Variants in NHSL2 observed in about 807,000 individuals in gnomAD.
NHSL2 encodes the protein NHS-like protein 2.
In NHSL2, 27 loss-of-function variants were observed where a neutral mutation model predicts 53.4. The ratio of observed to expected loss-of-function variants is 0.51; its 90% CI spans 0.37 to 0.70. NHSL2 has a LOEUF of 0.70. Ranked by LOEUF, NHSL2 falls within the 30% of genes least tolerant of loss-of-function variation. NHSL2 has a pLI of 0.00. For missense variants in NHSL2, 892 were observed against 980.1 expected, an observed-to-expected ratio of 0.91 and a Z score of 1.20; for synonymous variants, 408 against 404.1, an observed-to-expected ratio of 1.01 and a Z score of -0.12.
chrX:71,921,676 T>C (rs751646045), intron 1 of NHSL2, among the ~76,000 whole-genome samples: 6 of 111,893 alleles, frequency 5.4e-5, no homozygotes, highest in East Asian at 5.6e-4. Context: ...CAATCTCAAC[T>C]TATTTTTCTT....
At chrX:71,973,853 G>A (rs2041936791) in intron 1 of NHSL2, among the ~76,000 whole-genome samples, 1 of 111,358 alleles carries the variant, frequency 9.0e-6, no homozygotes, top group Admixed American at 9.5e-5. Flanking sequence ...TGAGCTGGGA[G>A]AGATGAGACA....
chrX:72,038,749 G>A (rs1215028783), intron 1 of NHSL2, among the ~76,000 whole-genome samples: 1 of 112,257 alleles, frequency 8.9e-6, no homozygotes, highest in African/African-American at 3.2e-5. Context: ...TGATATTCAT[G>A]TAAAGGCATT....
At chrX:72,004,743 G>A (rs1212654854) in intron 1 of NHSL2, among the ~76,000 whole-genome samples, 2 of 107,788 alleles carry the variant, frequency 1.9e-5, no homozygotes, top group Admixed American at 9.8e-5. Context: ...AGGAGAGCTG[G>A]GCGAGAACCT....
chrX:71,921,288 C>T (rs1273204190), intron 1 of NHSL2, among the ~76,000 whole-genome samples: 2 of 107,158 alleles, frequency 1.9e-5, no homozygotes, highest in African/African-American at 3.4e-5. Context: ...GGTGTGGTTG[C>T]GCATGCCTGT....
chrX:72,037,540 G>A (rs751834058), intron 1 of NHSL2, among the ~76,000 whole-genome samples: 22 of 111,699 alleles, frequency 2.0e-4, no homozygotes, highest in African/African-American at 7.1e-4. Flanking sequence ...TGTACATCTG[G>A]TGCAGCTGCA....
intron 1 of NHSL2, among the ~76,000 whole-genome samples, chrX:72,087,314 A>G (rs1449476397): frequency 8.9e-6 from 1 of 112,567 alleles, no homozygotes; most frequent in African/African-American, 3.2e-5. Context: ...AGACCAATTC[A>G]GAGAGACAGA....
intron 1 of NHSL2, among the ~76,000 whole-genome samples, chrX:71,937,005 A>C (rs2041741973): frequency 8.9e-6 from 1 of 111,743 alleles, no homozygotes; most frequent in Admixed American, 9.5e-5. Flanking sequence ...AGAAATTCAG[A>C]CCCAGAGAGT....
intron 1 of NHSL2, among the ~76,000 whole-genome samples, chrX:72,099,437 C>T (rs184653724): frequency 8.9e-5 from 9 of 101,206 alleles, no homozygotes; most frequent in Admixed American, 3.3e-4. Flanking sequence ...GCATTCTCGG[C>T]TCACTGCAAC....
chrX:71,968,192 T>C (rs1358999392), intron 1 of NHSL2, among the ~76,000 whole-genome samples: 1 of 108,174 alleles, frequency 9.2e-6, no homozygotes, highest in Non-Finnish European at 1.9e-5. Flanking sequence ...GAGATGGGGG[T>C]CTTACTATGT....
intron 1 of NHSL2, among the ~76,000 whole-genome samples, chrX:72,100,990 A>G (rs1449985227): frequency 9.1e-6 from 1 of 109,545 alleles, no homozygotes. Context: ...TTTCAGAGGC[A>G]TCTCTGTTCA....
At chrX:72,054,545 T>G (rs2042357780) in intron 1 of NHSL2, among the ~76,000 whole-genome samples, 1 of 112,357 alleles carries the variant, frequency 8.9e-6, no homozygotes, top group African/African-American at 3.2e-5. Context: ...GTTTGTTACT[T>G]AAAGCTCTTT....
At chrX:71,934,152 C>T (rs1054868809) in intron 1 of NHSL2, among the ~76,000 whole-genome samples, 14 of 111,999 alleles carry the variant, frequency 1.3e-4, no homozygotes, top group Non-Finnish European at 2.3e-4. Flanking sequence ...CCTCTATCCT[C>T]GTTTTGGTAC....
intron 1 of NHSL2, among the ~76,000 whole-genome samples, chrX:72,104,139 G>T (rs184177442): frequency 1.8e-5 from 2 of 111,350 alleles, no homozygotes; most frequent in South Asian, 3.8e-4. Flanking sequence ...ACTTTGTCTC[G>T]AACAGGAGCC....
intron 1 of NHSL2, among the ~76,000 whole-genome samples, chrX:71,911,779 C>T (rs1455756248): frequency 8.8e-6 from 1 of 113,149 alleles, no homozygotes; most frequent in Non-Finnish European, 1.9e-5. Flanking sequence ...GGCTTCTTTG[C>T]TCCTGTCTAG....
At chrX:72,065,591 G>A (rs766018860) in intron 1 of NHSL2, among the ~76,000 whole-genome samples, 48 of 111,535 alleles carry the variant, frequency 4.3e-4, no homozygotes, top group African/African-American at 1.5e-3. Flanking sequence ...GAGGGGATGG[G>A]AAGCACTGTT....
chrX:72,136,501 C>T (rs1390659404), intron 4 of NHSL2, among the ~76,000 whole-genome samples: 1 of 111,993 alleles, frequency 8.9e-6, no homozygotes, highest in Non-Finnish European at 1.9e-5. Flanking sequence ...AGAAATAGAG[C>T]TCAATCACCA....
intron 1 of NHSL2, among the ~76,000 whole-genome samples, chrX:72,009,884 G>T (rs775605861): frequency 8.9e-6 from 1 of 112,037 alleles, no homozygotes; most frequent in African/African-American, 3.2e-5. Context: ...TACTCTCTGG[G>T]GCCACTCTAG....
At chrX:71,912,911 T>G (rs1174016281) in intron 1 of NHSL2, among the ~76,000 whole-genome samples, 5 of 111,870 alleles carry the variant, frequency 4.5e-5, no homozygotes, top group African/African-American at 1.3e-4. Flanking sequence ...GCAAGCCCTT[T>G]CTGTGGGAGG....
intron 1 of NHSL2, among the ~76,000 whole-genome samples, chrX:72,008,870 T>A (rs1232267651): frequency 8.9e-6 from 1 of 111,927 alleles, no homozygotes; most frequent in Non-Finnish European, 1.9e-5. Context: ...AGTATCCCTG[T>A]CACCAGTCTC....
Sources: allele counts gnomAD v4.1 joint callset (sites outside exome capture counted in the v4.1 genomes callset), GRCh38; gene constraint gnomAD v4.1.1; transcripts MANE v1.5; gene names NCBI Gene and HGNC (gene_info 2026-07-23, HGNC 2026-07-21).